The following CHPT1 variants were observed in gnomAD, a reference collection of about 807,000 sequenced individuals.
CHPT1 encodes the protein cholinephosphotransferase 1.
A neutral mutation model predicts 47.6 loss-of-function variants in CHPT1; 36 were observed. The ratio of observed to expected loss-of-function variants is 0.76; its 90% confidence interval spans 0.58 to 1.00. The LOEUF (loss-of-function observed/expected upper bound fraction) is 1.00. Ranked by LOEUF, CHPT1 falls within the 50% of genes least tolerant of loss-of-function variation. The pLI is 0.00. For synonymous variants in CHPT1, 194 were observed against 186.3 expected, an observed-to-expected ratio of 1.04 and a Z score of -0.33; for missense variants, 458 against 498.1, an observed-to-expected ratio of 0.92 and a Z score of 0.77.
At chr12:101,715,835 A>G (rs1222407070) in intron 3 of CHPT1, among the ~76,000 whole-genome samples, 1 of 152,170 alleles carries the variant, frequency 6.6e-6, no homozygotes. Flanking sequence ...CAAGGTAGGA[A>G]AATCAGGAGA....
chr12:101,723,436 A>G, intron 6 of CHPT1, 110 bp downstream of exon 6: 1 of 712,176 alleles, frequency 1.4e-6, no homozygotes, highest in Non-Finnish European at 2.2e-6. Context: ...GTAAAATCAT[A>G]ATAATTAGCT....
chr12:101,727,080 T>A (rs1356453377), intron 8 of CHPT1: 2 of 152,194 alleles, frequency 1.3e-5, no homozygotes, highest in Non-Finnish European at 2.9e-5. Flanking sequence ...TTCCTTGATA[T>A]TTTGAGTTAA....
At chr12:101,707,456 G>A (rs1309195431) in intron 1 of CHPT1, among the ~76,000 whole-genome samples, 1 of 152,124 alleles carries the variant, frequency 6.6e-6, no homozygotes, top group Non-Finnish European at 1.5e-5. Context: ...AGCCCATGAA[G>A]GCTCTCCCCT....
At chr12:101,706,966 T>TG (rs1951643055) in intron 1 of CHPT1, among the ~76,000 whole-genome samples, 1 of 152,240 alleles carries the variant, frequency 6.6e-6, no homozygotes, top group Non-Finnish European at 1.5e-5. Flanking sequence ...TCCTTATATT[T>TG]GTATACCTGA....
At chr12:101,712,384 A>G (rs1293831813) in intron 1 of CHPT1, among the ~76,000 whole-genome samples, 1 of 148,764 alleles carries the variant, frequency 6.7e-6, no homozygotes, top group Admixed American at 6.8e-5. Flanking sequence ...ATGGGTGTTT[A>G]AAAAATATTT....
chr12:101,723,173 C>T lies in CHPT1; in HGVS notation c.786C>T (p.Thr262=). The T allele has an allele frequency of 3.1e-6, 5 of 1,611,652 alleles. No individual in the cohort carries two copies. Among genetic ancestry groups the T allele is most frequent in the Non-Finnish European group, 4.2e-6 (5 of 1,178,424 alleles). ...TTTTCTGCTTTATCCCTTAGGGCAC[C>T]AGTGTCTTGTCACCTGGACTCCACA... ...VGKNGSTIAG[T]SVLSPGLHIG... Residue 262 remains threonine, a synonymous_variant, in exon 6 of 9, where the codon ACC becomes ACT. Transcript: ENST00000229266.
chr12:101,723,640 T>A, intron 6 of CHPT1, 82 bp from the exon 7 acceptor site: 1 of 902,642 alleles, frequency 1.1e-6, no homozygotes, highest in Non-Finnish European at 1.6e-6. Flanking sequence ...TAATACTGAA[T>A]TAAAGTTATA....
intron 1 of CHPT1, 38 bp downstream of exon 1, chr12:101,698,172 C>A (rs541662934): frequency 1.0e-5 from 14 of 1,391,170 alleles, no homozygotes; most frequent in Admixed American, 3.0e-5. Context: ...GCCCCAGATG[C>A]GCTGCGGGCG....
chr12:101,722,707 T>TAA (rs10605402), intron 5 of CHPT1, among the ~76,000 whole-genome samples: 4,317 of 113,564 alleles, frequency 0.038, 219 homozygotes, highest in African/African-American at 0.12. Flanking sequence ...CACAAAAAAT[T>TAA]AAAAAAAAAA....
chr12:101,723,003 AT>A (rs1332209795), intron 5 of CHPT1, among the ~76,000 whole-genome samples, 164 bp from the exon 6 acceptor site: 1 of 152,232 alleles, frequency 6.6e-6, no homozygotes. Context: ...CTCAGGTTCT[AT>A]GAAACCTTGG....
chr12:101,723,700 A>G, intron 6 of CHPT1, 22 bp from the exon 7 acceptor site: 1 of 1,387,584 alleles, frequency 7.2e-7, no homozygotes, highest in Non-Finnish European at 9.8e-7. Flanking sequence ...TAGTAAAATT[A>G]TTTTGTTTAA....
chr12:101,728,850 G>A (rs1566047347), intron 8 of CHPT1, 51 bp from the exon 9 acceptor site: 2 of 1,589,090 alleles, frequency 1.3e-6, no homozygotes, highest in East Asian at 4.5e-5. Flanking sequence ...CTATTCTAAA[G>A]ACTTACAATA....
At chr12:101,706,393 C>T (rs1594126374) in intron 1 of CHPT1, among the ~76,000 whole-genome samples, 1 of 151,994 alleles carries the variant, frequency 6.6e-6, no homozygotes. Flanking sequence ...GTGTCTCATG[C>T]CCATGAGAGG....
chr12:101,723,680 T>TA, intron 6 of CHPT1, 42 bp from the exon 7 acceptor site: 1 of 1,228,978 alleles, frequency 8.1e-7, no homozygotes, highest in Non-Finnish European at 1.1e-6. Flanking sequence ...CTAACACATT[T>TA]AAAACTTAAT....
intron 1 of CHPT1, among the ~76,000 whole-genome samples, chr12:101,708,399 A>C (rs1951660858): frequency 6.6e-6 from 1 of 152,046 alleles, no homozygotes; most frequent in Non-Finnish European, 1.5e-5. Context: ...TTCTAGAATA[A>C]ATTTATATGA....
At chr12:101,708,599 G>A (rs563278304) in intron 1 of CHPT1, among the ~76,000 whole-genome samples, 9 of 152,186 alleles carry the variant, frequency 5.9e-5, no homozygotes, top group South Asian at 2.1e-4. Context: ...AATTAAAAAC[G>A]TATTTATTCA....
rs935788695 is a variant in CHPT1, at chr12:101,714,203, G to A, written c.387G>A (p.Glu129=). 4.4e-6 allele frequency: 7 copies of A among 1,608,620 alleles called. No individual in the cohort carries two copies. In the African/African-American group the frequency reaches 6.7e-5, roughly 15 times the overall value. ...CAAACTCTTGTTCCCCTTTAGGGGA[G>A]CTCTTTGACCATGGCTGTGACTCTC... ...RRTNSCSPLG[E]LFDHGCDSLS... is the part of the protein sequence containing the mutation. Residue 129 remains glutamate (E), a synonymous_variant, in exon 2 of 9, where the codon GAG becomes GAA. Transcript: ENST00000229266.
At chr12:101,703,689 T>A (rs1165752680) in intron 1 of CHPT1, among the ~76,000 whole-genome samples, 1 of 151,974 alleles carries the variant, frequency 6.6e-6, no homozygotes, top group African/African-American at 2.4e-5. Flanking sequence ...GAACCCTCCC[T>A]CCGTAAACAA....
intron 7 of CHPT1, 94 bp from the exon 8 acceptor site, chr12:101,726,200 G>A (rs17780078): frequency 0.048 from 38,874 of 816,834 alleles, 1,162 homozygotes; most frequent in South Asian, 0.063. Context: ...AGAATTTTAG[G>A]TTAAGGTTTG....
Sources: allele counts gnomAD v4.1 joint callset (sites outside exome capture counted in the v4.1 genomes callset), GRCh38; gene constraint gnomAD v4.1.1; transcripts MANE v1.5; gene names NCBI Gene and HGNC (gene_info 2026-07-23, HGNC 2026-07-21).